Variants in CDH18 observed in about 807,000 individuals in gnomAD.
CDH18 encodes the protein cadherin 18, also known as cadherin-18.
A neutral mutation model predicts 67.9 loss-of-function variants in CDH18; 31 were observed. That is an observed-to-expected ratio of 0.46 (90% confidence interval 0.34 to 0.62). CDH18 has a LOEUF of 0.62. CDH18 is among the 20% of genes least tolerant of loss of function. The probability of loss-of-function intolerance (pLI) is 0.01; values close to 1 mark genes in which losing one functional copy is unlikely to be tolerated. For synonymous variants in CDH18, 362 were observed against 347.2 expected, an observed-to-expected ratio of 1.04 and a Z score of -0.48; for missense variants, 890 against 975.5, an observed-to-expected ratio of 0.91 and a Z score of 1.17.
At chr5:19,624,960 C>T (rs945055273) in intron 5 of CDH18, among the ~76,000 whole-genome samples, 3 of 151,866 alleles carry the variant, frequency 2.0e-5, no homozygotes, top group African/African-American at 7.3e-5. Context: ...CTATAGAATG[C>T]CCTCTTGAAT....
intron 2 of CDH18, among the ~76,000 whole-genome samples, chr5:20,160,491 A>G (rs1751892238): frequency 6.6e-6 from 1 of 152,212 alleles, no homozygotes; most frequent in African/African-American, 2.4e-5. Flanking sequence ...TAAATTTATC[A>G]TGTGTTTTCC....
At chr5:20,138,939 C>T (rs954470687) in intron 2 of CDH18, among the ~76,000 whole-genome samples, 21 of 152,032 alleles carry the variant, frequency 1.4e-4, no homozygotes, top group Non-Finnish European at 2.9e-5. Flanking sequence ...ACCAATGACT[C>T]TCTTCACAGA....
intron 2 of CDH18, among the ~76,000 whole-genome samples, chr5:19,942,802 A>C (rs373198797): frequency 6.6e-6 from 1 of 152,316 alleles, no homozygotes; most frequent in South Asian, 2.1e-4. Context: ...GGCAAACCTC[A>C]GGAGCATAGC....
chr5:20,034,363 C>A (rs1238626106), intron 2 of CDH18, among the ~76,000 whole-genome samples: 1 of 151,950 alleles, frequency 6.6e-6, no homozygotes, highest in Non-Finnish European at 1.5e-5. Context: ...TGCAAATTCC[C>A]ACTTAAATTT....
At chr5:19,719,952 A>AGAAG (rs1491461206) in intron 5 of CDH18, among the ~76,000 whole-genome samples, 2 of 141,836 alleles carry the variant, frequency 1.4e-5, no homozygotes, top group Non-Finnish European at 3.2e-5. Context: ...AAAGAAAGAA[A>AGAAG]GAAAGAAGGA....
intron 10 of CDH18, among the ~76,000 whole-genome samples, chr5:19,508,753 A>T (rs550756285): frequency 6.6e-6 from 1 of 152,242 alleles, no homozygotes; most frequent in East Asian, 1.9e-4. Context: ...ATTAGGGAAA[A>T]GTCAGTATCA....
chr5:19,993,608 A>T (rs1579978962), intron 2 of CDH18, among the ~76,000 whole-genome samples: 1 of 152,124 alleles, frequency 6.6e-6, no homozygotes, highest in Admixed American at 6.6e-5. Flanking sequence ...TAGCACACAC[A>T]TATACACACA....
chr5:20,449,827 G>GAA (rs70954658), intron 1 of CDH18, among the ~76,000 whole-genome samples: 16 of 151,166 alleles, frequency 1.1e-4, no homozygotes, highest in African/African-American at 3.4e-4. Context: ...CTACAAAAAA[G>GAA]AAAAAATATA....
intron 1 of CDH18, among the ~76,000 whole-genome samples, chr5:20,347,466 C>T (rs1740794195): frequency 6.6e-6 from 1 of 152,012 alleles, no homozygotes; most frequent in Non-Finnish European, 1.5e-5. Context: ...TTAGGCAGAT[C>T]GAGAGGGAGG....
intron 5 of CDH18, among the ~76,000 whole-genome samples, chr5:19,707,478 G>A (rs1179183857): frequency 6.6e-6 from 1 of 152,132 alleles, no homozygotes; most frequent in Non-Finnish European, 1.5e-5. Flanking sequence ...ACCCCCCAGT[G>A]GAGGTATACA....
At chr5:20,155,428 G>GT (rs1561835882) in intron 2 of CDH18, among the ~76,000 whole-genome samples, 1 of 151,880 alleles carries the variant, frequency 6.6e-6, no homozygotes, top group African/African-American at 2.4e-5. Context: ...TTCTTTGTTT[G>GT]TTTTTTCCTT....
chr5:19,763,011 C>T (rs1294874039), intron 3 of CDH18, among the ~76,000 whole-genome samples: 2 of 152,146 alleles, frequency 1.3e-5, no homozygotes, highest in African/African-American at 4.8e-5. Flanking sequence ...GAAAACCAAA[C>T]ACCACATGTT....
At chr5:20,343,401 GAC>G (rs1309969619) in intron 1 of CDH18, among the ~76,000 whole-genome samples, 1 of 152,150 alleles carries the variant, frequency 6.6e-6, no homozygotes, top group Non-Finnish European at 1.5e-5. Flanking sequence ...CCAGTTTACA[GAC>G]ACAGAATCCC....
intron 1 of CDH18, among the ~76,000 whole-genome samples, chr5:20,538,071 G>T (rs541806089): frequency 2.1e-5 from 3 of 146,264 alleles, no homozygotes; most frequent in Non-Finnish European, 4.5e-5. Context: ...CATAAGCTCA[G>T]AATTATGAGT....
rs114459779 is a variant in CDH18 at position 19,677,300 on chromosome 5, C to A, written c.643+44047G>T. ...TTCCACCCAAGAATTTCATATCCAG[C>A]CAAACTAAGCCTCATAAGCTAGGAA... On this transcript the variant is annotated intron_variant, in intron 5 of 12. Coordinates refer to ENST00000382275, the MANE Select transcript of CDH18 (RefSeq NM_004934.5). Among the ~76,000 whole-genome samples the A allele has an allele frequency of 3.9e-3, 586 of 152,098 alleles. 3 individuals are homozygous for A. Among genetic ancestry groups the A allele is most frequent in the African/African-American group, 0.014 (568 of 41,500 alleles).
intron 2 of CDH18, among the ~76,000 whole-genome samples, chr5:19,963,262 C>T (rs1797092746): frequency 6.6e-6 from 1 of 152,082 alleles, no homozygotes; most frequent in African/African-American, 2.4e-5. Flanking sequence ...CTTTTCACTT[C>T]AAGGTATTAA....
chr5:19,779,072 G>A (rs775592340), intron 3 of CDH18, among the ~76,000 whole-genome samples: 3 of 152,104 alleles, frequency 2.0e-5, no homozygotes, highest in Non-Finnish European at 4.4e-5. Context: ...AATAATATAT[G>A]TGAGAATACT....
chr5:19,932,088 T>C (rs542290055), intron 2 of CDH18, among the ~76,000 whole-genome samples: 1 of 151,956 alleles, frequency 6.6e-6, no homozygotes, highest in Non-Finnish European at 1.5e-5. Context: ...AAAGAAAAAG[T>C]TGAATACACC....
At chr5:20,137,174 T>G (rs1749803494) in intron 2 of CDH18, among the ~76,000 whole-genome samples, 1 of 152,152 alleles carries the variant, frequency 6.6e-6, no homozygotes, top group South Asian at 2.1e-4. Flanking sequence ...TCCTGAAGAG[T>G]GTTTTCCAAC....
Sources: gnomAD v4.1 joint callset for allele counts (sites outside exome capture counted in the v4.1 genomes callset) on GRCh38, gnomAD v4.1.1 for gene constraint, MANE v1.5 for transcripts, NCBI Gene and HGNC (gene_info 2026-07-23, HGNC 2026-07-21) for gene names.